MMP21: variants seen among roughly 807,000 people sequenced by gnomAD.
The protein encoded by MMP21 is matrix metalloproteinase-21.
In MMP21, 40 loss-of-function variants were observed where a neutral mutation model predicts 47.8. The observed-to-expected ratio is 0.84, with a 90% CI of 0.65 to 1.09. MMP21 has a LOEUF of 1.09. MMP21 is among the 50% of genes least tolerant of loss of function. MMP21 has a pLI of 0.00. For missense variants in MMP21, 747 were observed against 775.3 expected, an observed-to-expected ratio of 0.96 and a Z score of 0.43; for synonymous variants, 341 against 318.0, an observed-to-expected ratio of 1.07 and a Z score of -0.77.
intron 5 of MMP21, among the ~76,000 whole-genome samples, chr10:125,769,075 G>T (rs1850415918): frequency 6.6e-6 from 1 of 152,156 alleles, no homozygotes; most frequent in African/African-American, 2.4e-5. Flanking sequence ...TACACAACTT[G>T]TCTCTGGGTA....
rs370234822 is a variant in MMP21 at position 125,772,745 on chromosome 10, G to A, written c.703C>T (p.His235Tyr). The A allele has an allele frequency of 3.1e-6, 5 of 1,612,780 alleles. No homozygotes were observed. The highest frequency in any genetic ancestry group is 4.2e-6 in the Non-Finnish European group (5 of 1,179,408). Residue 235 changes from histidine (H) to tyrosine (Y), a missense_variant, in exon 3 of 7, where the codon CAC becomes TAC. Transcript: ENST00000368808. The surrounding 1 kb of genome is among the most constrained non-coding windows in gnomAD (Gnocchi z 5.6). ...DIKLGFGRGR[H>Y]LGCPRAFDGS... ...TCGAAGGCCCGCGGACAGCCCAGGT[G>A]CCGGCCTGGCGAGGGGGAGGAGGAG...
Position 125,772,094 on chromosome 10 carries a change from A to G in MMP21, c.979+124T>C. 8.4e-7 allele frequency: 1 copy of G among 1,195,672 alleles called. No individual in the cohort carries two copies. Among genetic ancestry groups the G allele is most frequent in the Non-Finnish European group, 1.2e-6 (1 of 840,024 alleles). 74.1% of individuals were successfully genotyped at this position (1,195,672 alleles called of 1,614,324 possible). A position where few individuals can be genotyped will look rare whatever the true frequency, so the allele number is the denominator to read the frequency against. Reference sequence around the variant, plus strand: ...GCTAGAGGGTGGCTACCCTTGGGTGACATGAGTTGTACAACGTTGCGCTCT... The same window carrying G: ...GCTAGAGGGTGGCTACCCTTGGGTGGCATGAGTTGTACAACGTTGCGCTCT... On this transcript the variant is annotated intron_variant, in intron 4 of 6. Transcript: ENST00000368808. The surrounding 1 kb of genome is among the most constrained non-coding windows in gnomAD (Gnocchi z 5.6).
chr10:125,771,192 G>A (rs925985434), intron 4 of MMP21, among the ~76,000 whole-genome samples: 2 of 152,098 alleles, frequency 1.3e-5, no homozygotes, highest in Non-Finnish European at 1.5e-5. Context: ...ATGTACGGTT[G>A]ACCACCCTAA....
At chr10:125,774,787 G>T (rs927983662) in intron 1 of MMP21, among the ~76,000 whole-genome samples, 5 of 152,154 alleles carry the variant, frequency 3.3e-5, no homozygotes, top group African/African-American at 1.2e-4. Context: ...GGTCGCGCAG[G>T]GCAGGTCGTG....
At position 125,766,761 on chromosome 10, in the gene MMP21, CTGT is replaced by C. The variant is rs1174702980; in HGVS notation, c.1608_1610del (p.Gln537del). On this transcript the variant is annotated inframe_deletion, in exon 7 of 7. Coordinates refer to ENST00000368808, the MANE Select transcript of MMP21 (RefSeq NM_147191.1). ...AGCCATTAGCAGGAAGCCAGGAATT[CTGT>C]TGTTTGTCCTTGTCATTAACTACCT... The C allele has an allele frequency of 3.1e-6, 5 of 1,613,746 alleles. No homozygotes were observed. Among genetic ancestry groups the C allele is most frequent in the Non-Finnish European group, 4.2e-6 (5 of 1,179,962 alleles).
Position 125,766,500 on chromosome 10 carries a change from G to A in MMP21, c.*162C>T. 1.7e-6 allele frequency: 1 copy of A among 575,576 alleles called. No individual in the cohort carries two copies. The highest frequency in any genetic ancestry group is 2.9e-6 in the Non-Finnish European group (1 of 345,376). 35.7% of individuals were successfully genotyped at this position (575,576 alleles called of 1,614,324 possible). A position where few individuals can be genotyped will look rare whatever the true frequency, so the allele number is the denominator to read the frequency against. On this transcript the variant is annotated 3_prime_UTR_variant, in exon 7 of 7. Transcript: ENST00000368808. ...TGAATTATGTTTTGCCTGAGCAATT[G>A]TTTTTAAATCAAGTATTTTAAAAGT...
intron 5 of MMP21, 116 bp downstream of exon 5, chr10:125,770,218 A>G (rs1206352217): frequency 3.6e-6 from 4 of 1,115,784 alleles, no homozygotes; most frequent in Non-Finnish European, 5.2e-6. Context: ...GCAGACAGAA[A>G]TTAAGCAAGT....
chr10:125,775,754 T>C lies in MMP21; in HGVS notation c.68A>G (p.Gln23Arg). The C allele has an allele frequency of 1.9e-6, 3 of 1,613,634 alleles. No individual in the cohort carries two copies. Among genetic ancestry groups the C allele is most frequent in the Non-Finnish European group, 2.5e-6 (3 of 1,179,832 alleles). ...CCGGCTGTGGAAGAGACTCTCGGGC[T>C]GGGTGGGCCAGGGAGCAGCCAGCCA... is the stretch of plus-strand genomic sequence containing the variant. ...LCWLAAPWPT[Q>R]PESLFHSRDR... Residue 23 changes from glutamine to arginine, a missense_variant, in exon 1 of 7, where the codon CAG (glutamine) becomes CGG (arginine). Physicochemically the swap from Gln to Arg is conservative, Grantham distance 43. Transcript: ENST00000368808.
At position 125,774,137 on chromosome 10, in the gene MMP21, G is replaced by C; in HGVS notation, c.391C>G (p.Pro131Ala). The change falls in exon 2 of 7, where the codon CCT becomes GCT. Residue 131 changes from proline to alanine, a missense_variant. Coordinates refer to ENST00000368808, the MANE Select transcript of MMP21 (RefSeq NM_147191.1). ...CTGGGGGGCGGGCCCGGGGGCGAAG[G>C]CGGGGCGGAGGGGGGCGGTGGGCGC... ...DMRPPPPSAP[P>A]SPPGPPPRAR... 1 of 1,290,954 alleles carries C rather than the reference G, an allele frequency of 7.7e-7. No individual in the cohort carries two copies. The highest frequency in any genetic ancestry group is 9.8e-7 in the Non-Finnish European group (1 of 1,023,948). The allele number at this position is 1,290,954 out of a possible 1,614,324, so 80.0% of individuals were successfully genotyped here.
rs28381288 is a variant in MMP21 at position 125,773,353 on chromosome 10, C to A, written c.697+478G>T. Among the ~76,000 whole-genome samples, 1 of 152,062 alleles carries A rather than the reference C, an allele frequency of 6.6e-6. No individual in the cohort carries two copies. Among genetic ancestry groups the A allele is most frequent in the Non-Finnish European group, 1.5e-5 (1 of 68,012 alleles). The stretch of plus-strand genomic sequence containing the variant: ...TAGGCCAAGACCGGATTCCTGGGGA[C>A]GCCAGCACCCAATTTCAGGTGGCAG... On this transcript the variant is annotated intron_variant, in intron 2 of 6. Transcript: ENST00000368808. This position sits in a 1 kb window ranked among gnomAD's most constrained non-coding sequence, Gnocchi z 4.8.
At chr10:125,774,480 A>C (rs1193640865) in intron 1 of MMP21, 115 bp from the exon 2 acceptor site, 1 of 640,640 alleles carries the variant, frequency 1.6e-6, no homozygotes, top group Non-Finnish European at 2.3e-6. Context: ...AGACAGAGAG[A>C]AGCAGAGAGA....
rs1279241306 is a variant in MMP21, at chr10:125,773,087, A to C, written c.698-337T>G. 6.6e-6 allele frequency among the ~76,000 whole-genome samples: 1 copy of C among 152,186 alleles called. No individual in the cohort carries two copies. The highest frequency in any genetic ancestry group is 1.5e-5 in the Non-Finnish European group (1 of 68,034). ...TCCTCGCCTCTGCGGAGGTCGTGAA[A>C]TATTGAAAGCTGGGTCCCTTAAAAT... On this transcript the variant is annotated intron_variant, in intron 2 of 6. Coordinates refer to ENST00000368808, the MANE Select transcript of MMP21 (RefSeq NM_147191.1). This position sits in a 1 kb window ranked among gnomAD's most constrained non-coding sequence, Gnocchi z 4.8.
At chr10:125,774,761 C>A (rs529551723) in intron 1 of MMP21, among the ~76,000 whole-genome samples, 1 of 152,146 alleles carries the variant, frequency 6.6e-6, no homozygotes, top group Non-Finnish European at 1.5e-5. Flanking sequence ...GACGCTCCCC[C>A]CGGCCTTGCG....
chr10:125,775,652 C>T lies in MMP21; in HGVS notation c.162+8G>A. On this transcript the variant is annotated splice_region_variant and intron_variant, in intron 1 of 6. Coordinates refer to ENST00000368808, the MANE Select transcript of MMP21 (RefSeq NM_147191.1). ...GGGGGTATTGCTGTTCTTCCAGCTT[C>T]CTCCTACCTGAGCAGCGTGGAGGTC... The T allele has an allele frequency of 1.3e-6, 2 of 1,597,644 alleles. No homozygotes were observed. Among genetic ancestry groups the T allele is most frequent in the Non-Finnish European group, 1.7e-6 (2 of 1,170,776 alleles).
intron 4 of MMP21, 105 bp from the exon 5 acceptor site, chr10:125,770,696 A>G: frequency 7.7e-7 from 1 of 1,292,572 alleles, no homozygotes; most frequent in South Asian, 1.5e-5. Context: ...GGGGCTTTCT[A>G]TAAAAACACC....
chr10:125,773,504 T>C lies in MMP21; in HGVS notation c.697+327A>G, dbSNP rs185051086. Among the ~76,000 whole-genome samples, 1 of 152,202 alleles carries C rather than the reference T, an allele frequency of 6.6e-6. No individual in the cohort carries two copies. Among genetic ancestry groups the C allele is most frequent in the African/African-American group, 2.4e-5 (1 of 41,542 alleles). On this transcript the variant is annotated intron_variant, in intron 2 of 6. Coordinates refer to ENST00000368808, the MANE Select transcript of MMP21 (RefSeq NM_147191.1). The surrounding 1 kb of genome is among the most constrained non-coding windows in gnomAD (Gnocchi z 4.8). Reference sequence around the variant, plus strand: ...GCAACTTGTGCCTGACCCTGCCCTGTCCTGAGACCCCAGCTGCTGCTCCCT... The same window carrying C: ...GCAACTTGTGCCTGACCCTGCCCTGCCCTGAGACCCCAGCTGCTGCTCCCT...
chr10:125,767,158 TCTCA>T (rs1468795586), intron 6 of MMP21, among the ~76,000 whole-genome samples, 197 bp from the exon 7 acceptor site: 2 of 151,782 alleles, frequency 1.3e-5, no homozygotes, highest in African/African-American at 2.4e-5. Flanking sequence ...TTGGGCCCGG[TCTCA>T]CTCTTGCCCA....
rs765884774 is a variant in MMP21, at chr10:125,774,033, G to C, written c.495C>G (p.Gly165=). The C allele has an allele frequency of 4.7e-6, 7 of 1,497,194 alleles. No individual in the cohort carries two copies. The South Asian group carries it at 7.5e-5, about 16-fold the overall frequency. The allele number at this position is 1,497,194 out of a possible 1,614,324, so 92.7% of individuals were successfully genotyped here. The change falls in exon 2 of 7, where the codon GGC becomes GGG. Residue 165 remains glycine (G), a synonymous_variant. Coordinates refer to ENST00000368808, the MANE Select transcript of MMP21 (RefSeq NM_147191.1). ...RGWQPRGYPD[G]GAAQAFSKRT... Reference sequence around the variant, plus strand: ...TCTTGGAGAAGGCCTGGGCAGCTCCGCCGTCGGGGTAGCCCCGGGGCTGCC... The same window carrying C: ...TCTTGGAGAAGGCCTGGGCAGCTCCCCCGTCGGGGTAGCCCCGGGGCTGCC...
In MMP21 at chr10:125,773,868, G is replaced by A. The variant is rs140758978; in HGVS notation, c.660C>T (p.Pro220=). The stretch of plus-strand genomic sequence containing the variant: ...CCAGCTTGATGTCGACCGCGGCCCC[G>A]GGGGCGGCCAGGTCCTCGCGGAAGT... ...PLDFREDLAA[P]GAAVDIKLGF... is the part of the protein sequence containing the mutation. Residue 220 remains proline (P), a synonymous_variant, in exon 2 of 7, where the codon CCC becomes CCT. Transcript: ENST00000368808. The surrounding 1 kb of genome is among the most constrained non-coding windows in gnomAD (Gnocchi z 4.8). 7.7e-6 allele frequency: 12 copies of A among 1,567,920 alleles called. No individual in the cohort carries two copies. The highest frequency in any genetic ancestry group is 2.8e-5 in the African/African-American group (2 of 71,884).
Sources: allele counts gnomAD v4.1 joint callset (sites outside exome capture counted in the v4.1 genomes callset), GRCh38; gene constraint gnomAD v4.1.1; non-coding constraint Gnocchi (gnomAD v3.1); transcripts MANE v1.5; gene names NCBI Gene and HGNC (gene_info 2026-07-23, HGNC 2026-07-21).